The following PPP1R16B variants were observed in gnomAD, a reference collection of about 807,000 sequenced individuals.
The protein encoded by PPP1R16B is protein phosphatase 1 regulatory inhibitor subunit 16B.
PPP1R16B carries 14 observed loss-of-function variants against 61.7 expected under a neutral mutation model. The ratio of observed to expected loss-of-function variants is 0.23; its 90% confidence interval spans 0.15 to 0.35. The LOEUF (loss-of-function observed/expected upper bound fraction) is 0.35, where lower values mean the gene tolerates loss of function less well. Ranked by LOEUF, PPP1R16B falls within the 10% of genes least tolerant of loss-of-function variation. PPP1R16B has a pLI of 1.00. For synonymous variants in PPP1R16B, 266 were observed against 305.3 expected (o/e 0.87, Z 1.34); for missense variants, 547 against 752.5 (o/e 0.73, Z 3.19).
intron 1 of PPP1R16B, 26 bp downstream of exon 1, chr20:38,805,818 C>T: frequency 6.6e-6 from 1 of 152,304 alleles, no homozygotes; most frequent in East Asian, 1.9e-4. Context: ...GCGCCACCAC[C>T]CTCCTTGCGC....
intron 2 of PPP1R16B, among the ~76,000 whole-genome samples, chr20:38,875,466 G>A (rs1269944402): frequency 6.6e-6 from 1 of 152,224 alleles, no homozygotes; most frequent in Non-Finnish European, 1.5e-5. Flanking sequence ...GAGAGTAGCA[G>A]GACAGGGCCC....
In PPP1R16B at chr20:38,871,443, C is replaced by T. The variant is rs1407064516; in HGVS notation, c.251-18152C>T. 5.9e-5 allele frequency among the ~76,000 whole-genome samples: 9 copies of T among 152,102 alleles called. No homozygotes were observed. In the South Asian group the frequency reaches 6.2e-4, roughly 11 times the overall value. On this transcript the variant is annotated intron_variant, in intron 2 of 10. Transcript: ENST00000299824. ...TTCATTCAGCAAACATTGTGGACAC[C>T]TGCTTTGTGCCAAGCTTCATGGAGG...
intron 2 of PPP1R16B, among the ~76,000 whole-genome samples, chr20:38,855,734 C>G (rs2084999438): frequency 6.6e-6 from 1 of 151,576 alleles, no homozygotes; most frequent in Non-Finnish European, 1.5e-5. Context: ...ATGCCACCCA[C>G]CCAGTGGGGT....
chr20:38,824,985 C>T (rs1023346512), intron 1 of PPP1R16B, among the ~76,000 whole-genome samples: 28 of 152,240 alleles, frequency 1.8e-4, no homozygotes, highest in African/African-American at 6.8e-4. Flanking sequence ...CAGAGTGGGA[C>T]TCTGTATCCA....
intron 2 of PPP1R16B, among the ~76,000 whole-genome samples, chr20:38,852,578 T>C (rs1277394696): frequency 6.6e-6 from 1 of 152,066 alleles, no homozygotes; most frequent in Non-Finnish European, 1.5e-5. Context: ...TCAACCAGCA[T>C]TTCCCCAGGG....
intron 2 of PPP1R16B, among the ~76,000 whole-genome samples, chr20:38,868,364 C>T (rs2085103951): frequency 6.6e-6 from 1 of 152,032 alleles, no homozygotes; most frequent in South Asian, 2.1e-4. Flanking sequence ...TTCTGTTCTA[C>T]ACCCAGTTTA....
chr20:38,833,132 C>T (rs578104135), intron 1 of PPP1R16B, among the ~76,000 whole-genome samples: 7 of 152,218 alleles, frequency 4.6e-5, no homozygotes, highest in African/African-American at 1.4e-4. Context: ...CAAGAAGAAA[C>T]GCACTATTGA....
intron 2 of PPP1R16B, among the ~76,000 whole-genome samples, chr20:38,839,756 C>CTG (rs2084897874): frequency 6.6e-6 from 1 of 151,904 alleles, no homozygotes; most frequent in Non-Finnish European, 1.5e-5. Flanking sequence ...CAGTACAGAT[C>CTG]TGTGCCATTA....
At chr20:38,905,922 G>C (rs1375916610) in intron 6 of PPP1R16B, 47 bp from the exon 7 acceptor site, 1 of 1,588,994 alleles carries the variant, frequency 6.3e-7, no homozygotes, top group South Asian at 1.1e-5. Flanking sequence ...TACCGTCAAT[G>C]TGGGGCTGAT....
chr20:38,897,611 A>G (rs1457518368), intron 4 of PPP1R16B, among the ~76,000 whole-genome samples: 2 of 152,206 alleles, frequency 1.3e-5, no homozygotes, highest in African/African-American at 2.4e-5. Flanking sequence ...TCCTTTGGTT[A>G]TACACCCAGA....
At chr20:38,870,747 C>G (rs896546050) in intron 2 of PPP1R16B, among the ~76,000 whole-genome samples, 1 of 152,160 alleles carries the variant, frequency 6.6e-6, no homozygotes, top group Non-Finnish European at 1.5e-5. Context: ...ACATGAAGGG[C>G]CAGACTCTGG....
At chr20:38,900,120 G>A (rs1305202013) in intron 4 of PPP1R16B, among the ~76,000 whole-genome samples, 2 of 152,158 alleles carry the variant, frequency 1.3e-5, no homozygotes, top group African/African-American at 4.8e-5. Flanking sequence ...TTCCCCTTGC[G>A]TGAGATGGGG....
rs544867460 is a variant in PPP1R16B at position 38,819,108 on chromosome 20, TA to T, written c.-102+13322del. On this transcript the variant is annotated intron_variant, in intron 1 of 10. Coordinates refer to ENST00000299824, the MANE Select transcript of PPP1R16B (RefSeq NM_015568.4). ...TTCTTGCAAGAAAAAGGAAAAAAAA[TA>T]AAAAAGAGCATGGGCTTCAGTGTCA... 9.4e-3 allele frequency among the ~76,000 whole-genome samples: 1,426 copies of T among 152,008 alleles called. 20 individuals carry two copies. The highest frequency in any genetic ancestry group is 0.033 in the African/African-American group (1,362 of 41,462).
At chr20:38,905,919 A>C in intron 6 of PPP1R16B, 50 bp from the exon 7 acceptor site, 1 of 1,573,764 alleles carries the variant, frequency 6.4e-7, no homozygotes, top group Non-Finnish European at 8.6e-7. Flanking sequence ...GCCTACCGTC[A>C]ATGTGGGGCT....
chr20:38,810,001 AAAAAAC>A (rs1298956724), intron 1 of PPP1R16B, among the ~76,000 whole-genome samples: 1 of 151,410 alleles, frequency 6.6e-6, no homozygotes, highest in Non-Finnish European at 1.5e-5. Flanking sequence ...AAAAAAAAAA[AAAAAAC>A]AAAACCAAAA....
In PPP1R16B at chr20:38,918,519, C is replaced by A; in HGVS notation, c.1557C>A (p.Pro519=). 2.5e-6 allele frequency: 4 copies of A among 1,596,786 alleles called. No homozygotes were observed. Among genetic ancestry groups the A allele is most frequent in the Non-Finnish European group, 3.4e-6 (4 of 1,169,200 alleles). Residue 519 remains proline (P), a synonymous_variant, in exon 11 of 11, where the codon CCC becomes CCA. Transcript: ENST00000299824. This position sits in a 1 kb window ranked among gnomAD's most constrained non-coding sequence, Gnocchi z 5.3. The stretch of plus-strand genomic sequence containing the variant: ...AGAGTAGCAGTGAAGGCAAGGCCCC[C>A]TTGATCGGAGGCAGAACTTCACCGT... ...TGESSSEGKA[P]LIGGRTSPYS...
chr20:38,865,465 T>C (rs1419770473), intron 2 of PPP1R16B, among the ~76,000 whole-genome samples: 2 of 152,078 alleles, frequency 1.3e-5, no homozygotes, highest in African/African-American at 4.8e-5. Context: ...AATTTTTTTG[T>C]ATTTTTAGTA....
At chr20:38,843,243 C>T (rs190258638) in intron 2 of PPP1R16B, among the ~76,000 whole-genome samples, 1 of 152,404 alleles carries the variant, frequency 6.6e-6, no homozygotes, top group African/African-American at 2.4e-5. Flanking sequence ...TGTTGGCTAT[C>T]TGCTTCTGCG....
At chr20:38,863,683 A>G (rs2085070842) in intron 2 of PPP1R16B, among the ~76,000 whole-genome samples, 1 of 152,248 alleles carries the variant, frequency 6.6e-6, no homozygotes, top group Non-Finnish European at 1.5e-5. Context: ...CGAGAATTAA[A>G]TGAACCTGTG....
Sources: gnomAD v4.1 joint callset for allele counts (sites outside exome capture counted in the v4.1 genomes callset) on GRCh38, gnomAD v4.1.1 for gene constraint, Gnocchi (gnomAD v3.1) non-coding constraint, MANE v1.5 for transcripts, NCBI Gene and HGNC (gene_info 2026-07-23, HGNC 2026-07-21) for gene names.